CALCR: variants seen among roughly 807,000 people sequenced by gnomAD.
CALCR encodes the protein calcitonin receptor.
A neutral mutation model predicts 59.5 loss-of-function variants in CALCR; 47 were observed. The observed-to-expected ratio is 0.79, with a 90% CI of 0.63 to 1.01. The LOEUF is 1.01. Among genes scored for constraint, CALCR ranks in the 50% least tolerant of loss-of-function variants. The pLI, the probability that CALCR is intolerant of heterozygous loss-of-function variation, is 0.00. For missense variants in CALCR, 566 were observed against 597.1 expected (o/e 0.95, Z 0.54); for synonymous variants, 213 against 211.3 (o/e 1.01, Z -0.07).
chr7:93,467,049 T>A (rs990227381), intron 7 of CALCR, among the ~76,000 whole-genome samples: 1 of 151,738 alleles, frequency 6.6e-6, no homozygotes, highest in Non-Finnish European at 1.5e-5. Flanking sequence ...TCTTTCAATT[T>A]TTTTATGATT....
At chr7:93,555,283 C>T (rs1206304723) in intron 2 of CALCR, among the ~76,000 whole-genome samples, 6 of 152,090 alleles carry the variant, frequency 3.9e-5, no homozygotes, top group Non-Finnish European at 8.8e-5. Context: ...GATCATGCTC[C>T]AGCAATGCCC....
intron 8 of CALCR, among the ~76,000 whole-genome samples, chr7:93,457,629 CAG>C (rs2115790491): frequency 6.6e-6 from 1 of 152,288 alleles, no homozygotes; most frequent in African/African-American, 2.4e-5. Context: ...CTGCTCCGTA[CAG>C]AGAGTAACTT....
intron 2 of CALCR, among the ~76,000 whole-genome samples, chr7:93,507,961 G>A (rs773961242): frequency 6.6e-6 from 1 of 151,542 alleles, no homozygotes; most frequent in Admixed American, 6.6e-5. Flanking sequence ...TGTTCACATG[G>A]ACCAAGATGA....
intron 4 of CALCR, among the ~76,000 whole-genome samples, chr7:93,477,877 A>G (rs1348453122): frequency 6.9e-6 from 1 of 145,624 alleles, no homozygotes; most frequent in Non-Finnish European, 1.5e-5. Flanking sequence ...GATGACAAGC[A>G]GGGTTCTATT....
chr7:93,472,381 T>A lies in CALCR; in HGVS notation c.423A>T (p.Lys141Asn), dbSNP rs1800570866. 2 of 1,589,732 alleles carry A rather than the reference T, an allele frequency of 1.3e-6. No homozygotes were observed. Among genetic ancestry groups the A allele is most frequent in the South Asian group, 2.2e-5 (2 of 89,366 alleles). ...YTMCNAFTPE[K>N]LKNAYVLYYL... ...AACGTGAAAAAGAACCTACCTTCAG[T>A]TTCTCAGGAGTGAAAGCATTGCACA... The change falls in exon 6 of 14, where the codon AAA becomes AAT. Residue 141 changes from lysine to asparagine, a missense_variant. Lys to Asn is a moderately conservative substitution (Grantham distance 94). Transcript: ENST00000426151.
At chr7:93,497,980 C>T (rs1001603700) in intron 2 of CALCR, among the ~76,000 whole-genome samples, 2 of 151,524 alleles carry the variant, frequency 1.3e-5, no homozygotes, top group Non-Finnish European at 3.0e-5. Context: ...CTCCAAGATG[C>T]TAGCCTAACC....
chr7:93,520,728 G>A (rs577022459), intron 2 of CALCR, among the ~76,000 whole-genome samples: 15 of 152,218 alleles, frequency 9.9e-5, no homozygotes, highest in African/African-American at 3.6e-4. Flanking sequence ...TTCTTCTATA[G>A]AAATTGTCTG....
chr7:93,510,660 G>C (rs1003427827), intron 2 of CALCR, among the ~76,000 whole-genome samples: 5 of 152,176 alleles, frequency 3.3e-5, no homozygotes, highest in African/African-American at 7.2e-5. Context: ...TTGAGGCCAG[G>C]AGTTGGAGAC....
intron 11 of CALCR, among the ~76,000 whole-genome samples, chr7:93,437,072 A>G (rs1039225379): frequency 2.0e-5 from 3 of 151,868 alleles, no homozygotes; most frequent in Non-Finnish European, 4.4e-5. Context: ...TCCTTTAGTC[A>G]TGAAATTAAT....
chr7:93,523,077 A>C (rs1315572871), intron 2 of CALCR, among the ~76,000 whole-genome samples: 1 of 152,140 alleles, frequency 6.6e-6, no homozygotes, highest in East Asian at 1.9e-4. Context: ...GGTAAATTAA[A>C]ATTTATTTGT....
intron 2 of CALCR, among the ~76,000 whole-genome samples, chr7:93,538,842 A>G (rs1246704920): frequency 6.6e-6 from 1 of 152,070 alleles, no homozygotes; most frequent in African/African-American, 2.4e-5. Context: ...GATTCCTGAG[A>G]CCAATCCCCT....
rs377598541 is a variant in CALCR, at chr7:93,479,998, A to T, written c.52-491T>A. Among the ~76,000 whole-genome samples the T allele has an allele frequency of 8.6e-5, 13 of 152,014 alleles. No homozygotes were observed. In the South Asian group the frequency reaches 2.7e-3, roughly 31 times the overall value. ...GTGTACACTGCCAGAAATTTATCCCATCTATTCCATGGAACAAACAAAATA... is the reference window on the plus strand; with the variant it reads ...GTGTACACTGCCAGAAATTTATCCCTTCTATTCCATGGAACAAACAAAATA... On this transcript the variant is annotated intron_variant, in intron 3 of 13. Coordinates refer to ENST00000426151, the MANE Select transcript of CALCR (RefSeq NM_001742.4).
intron 2 of CALCR, among the ~76,000 whole-genome samples, chr7:93,500,530 T>G (rs1584587406): frequency 6.6e-6 from 1 of 151,828 alleles, no homozygotes; most frequent in South Asian, 2.1e-4. Context: ...CAGTCTGGGG[T>G]TCTTAATTTT....
At chr7:93,499,249 C>T (rs1213779307) in intron 2 of CALCR, among the ~76,000 whole-genome samples, 4 of 151,570 alleles carry the variant, frequency 2.6e-5, no homozygotes, top group African/African-American at 9.7e-5. Context: ...ATTGGTTTTA[C>T]AAAATATGAT....
At chr7:93,470,829 G>A (rs1800535489) in intron 6 of CALCR, among the ~76,000 whole-genome samples, 1 of 151,086 alleles carries the variant, frequency 6.6e-6, no homozygotes. Flanking sequence ...CAATGTGCAG[G>A]TTAGTTACAT....
chr7:93,468,290 G>A (rs889145003), intron 7 of CALCR, among the ~76,000 whole-genome samples: 12 of 151,698 alleles, frequency 7.9e-5, no homozygotes, highest in Admixed American at 7.2e-4. Context: ...TCTTACATAT[G>A]CTAGCAAGAA....
intron 2 of CALCR, among the ~76,000 whole-genome samples, chr7:93,547,187 G>C (rs1789312717): frequency 6.6e-6 from 1 of 152,046 alleles, no homozygotes; most frequent in South Asian, 2.1e-4. Context: ...CAAAGCTAGA[G>C]AGTGCATATT....
chr7:93,495,851 A>G, intron 2 of CALCR: 3 of 1,437,162 alleles, frequency 2.1e-6, no homozygotes, highest in South Asian at 2.5e-5. Context: ...AGGTTCAGTT[A>G]CTGGTGGGAC....
At chr7:93,540,028 G>A (rs868192951) in intron 2 of CALCR, among the ~76,000 whole-genome samples, 2 of 152,288 alleles carry the variant, frequency 1.3e-5, no homozygotes, top group Middle Eastern at 6.8e-3. Flanking sequence ...TTCCCTTGGG[G>A]GAATTGTGGG....
Sources: allele counts gnomAD v4.1 joint callset (sites outside exome capture counted in the v4.1 genomes callset), GRCh38; gene constraint gnomAD v4.1.1; transcripts MANE v1.5; gene names NCBI Gene and HGNC (gene_info 2026-07-23, HGNC 2026-07-21).